The following WDR27 variants were observed in gnomAD, a reference collection of about 807,000 sequenced individuals.
WDR27 encodes the protein WD repeat-containing protein 27.
In WDR27, 100 loss-of-function variants were observed where a neutral mutation model predicts 114.4. The observed-to-expected ratio is 0.87, with a 90% confidence interval of 0.74 to 1.03. The LOEUF (loss-of-function observed/expected upper bound fraction) is 1.03, where lower values mean the gene tolerates loss of function less well. WDR27 is among the 50% of genes least tolerant of loss of function. The probability of loss-of-function intolerance (pLI) is 0.00; values close to 1 mark genes in which losing one functional copy is unlikely to be tolerated. For synonymous variants in WDR27, 449 were observed against 423.1 expected (o/e 1.06, Z -0.75); for missense variants, 1,129 against 1,092.9 (o/e 1.03, Z -0.47).
downstream of WDR27, among the ~76,000 whole-genome samples, chr6:169,456,347 C>T (rs1466466890): frequency 6.6e-6 from 1 of 152,104 alleles, no homozygotes; most frequent in Non-Finnish European, 1.5e-5. The surrounding 1 kb of genome is among the most constrained non-coding windows in gnomAD (Gnocchi z 4.0). Context: ...CACTGCGTCT[C>T]TTGTGAAAAT....
chr6:169,690,853 G>T (rs565958010), intron 1 of WDR27, among the ~76,000 whole-genome samples: 23 of 152,166 alleles, frequency 1.5e-4, no homozygotes, highest in Admixed American at 1.2e-3. Context: ...CTGTGTGCAG[G>T]GGGGAGCAGA....
In WDR27 at chr6:169,659,120, G is replaced by A. The variant is rs1280043986; in HGVS notation, c.1285C>T (p.Pro429Ser). Residue 429 changes from proline to serine, a missense_variant, in exon 12 of 26, where the codon CCC becomes TCC. By Grantham distance (74) the Pro-to-Ser change is moderately conservative. Transcript: ENST00000448612. The surrounding 1 kb of genome is among the most constrained non-coding windows in gnomAD (Gnocchi z 4.3). ...ACCGAGAGGCTCTGCCCCATGCTGGGGCACTGCTGAGCCCTGACTAGCGCG... is the reference window on the plus strand; with the variant it reads ...ACCGAGAGGCTCTGCCCCATGCTGGAGCACTGCTGAGCCCTGACTAGCGCG... ...PAALVRAQQC[P>S]SMGQSLSVPA... is the part of the protein sequence containing the mutation. 1 of 1,597,256 alleles carries A rather than the reference G, an allele frequency of 6.3e-7. No homozygotes were observed. Among genetic ancestry groups the A allele is most frequent in the Admixed American group, 1.8e-5 (1 of 56,074 alleles).
the WDR27 span, among the ~76,000 whole-genome samples, chr6:169,443,001 A>T: frequency 6.6e-6 from 1 of 152,266 alleles, no homozygotes; most frequent in Non-Finnish European, 1.5e-5. Context: ...CAATGAGAGG[A>T]GACCACATTC....
At chr6:169,495,000 G>A (rs548136808) in intron 25 of WDR27, among the ~76,000 whole-genome samples, 77 of 152,186 alleles carry the variant, frequency 5.1e-4, no homozygotes, top group African/African-American at 1.3e-3. Context: ...ACACATTACC[G>A]TAAGTCAATG....
intron 25 of WDR27, among the ~76,000 whole-genome samples, chr6:169,481,068 G>A (rs1336732681): frequency 6.7e-6 from 1 of 148,912 alleles, no homozygotes; most frequent in Non-Finnish European, 1.5e-5. Context: ...AGCTAATCTG[G>A]TAGTGACTTG....
chr6:169,683,848 G>A (rs2128320458), intron 2 of WDR27, among the ~76,000 whole-genome samples: 1 of 152,318 alleles, frequency 6.6e-6, no homozygotes, highest in East Asian at 1.9e-4. Flanking sequence ...TAGTTTGGGA[G>A]CTGCTGGAAA....
chr6:169,445,818 C>G, the WDR27 span, among the ~76,000 whole-genome samples: 2 of 152,222 alleles, frequency 1.3e-5, no homozygotes, highest in Admixed American at 6.5e-5. Flanking sequence ...TCCCAGCTCT[C>G]GAAGCTTCTC....
At chr6:169,696,373 C>A (rs1473374376) in intron 1 of WDR27, among the ~76,000 whole-genome samples, 1 of 152,174 alleles carries the variant, frequency 6.6e-6, no homozygotes, top group Admixed American at 6.5e-5. Flanking sequence ...AGCAAGAGAT[C>A]ACATACACAC....
chr6:169,516,835 A>ACACACACACC (rs1491176990), intron 25 of WDR27, among the ~76,000 whole-genome samples: 26 of 144,550 alleles, frequency 1.8e-4, no homozygotes, highest in African/African-American at 5.9e-4. Context: ...ACACACACAC[A>ACACACACACC]CCCCTCCCTT....
intron 21 of WDR27, among the ~76,000 whole-genome samples, chr6:169,618,312 A>T (rs1401666567): frequency 6.6e-6 from 1 of 152,212 alleles, no homozygotes; most frequent in East Asian, 1.9e-4. Flanking sequence ...AAAATAGTAC[A>T]TATTTTATTC....
rs149122827 is a variant in WDR27 at position 169,564,235 on chromosome 6, A to C, written c.2645+8184T>G. Among the ~76,000 whole-genome samples, 219 of 152,316 alleles carry C rather than the reference A, an allele frequency of 1.4e-3. 2 individuals are homozygous for C. Among genetic ancestry groups the C allele is most frequent in the African/African-American group, 5.0e-3 (206 of 41,570 alleles). ...AGCATCCAGCATGGGAGAAAGATGG[A>C]GGCCAGGAGACTCAGCAAGTCTAGT... On this transcript the variant is annotated intron_variant, in intron 25 of 25. Coordinates refer to ENST00000448612, the MANE Select transcript of WDR27 (RefSeq NM_182552.5).
At chr6:169,594,452 TAG>T (rs1235797729) in intron 23 of WDR27, among the ~76,000 whole-genome samples, 1 of 152,218 alleles carries the variant, frequency 6.6e-6, no homozygotes, top group Non-Finnish European at 1.5e-5. Context: ...AATTATGATA[TAG>T]AGGTTTCCTA....
chr6:169,565,090 G>A (rs531350448), intron 25 of WDR27, among the ~76,000 whole-genome samples: 1 of 152,282 alleles, frequency 6.6e-6, no homozygotes, highest in East Asian at 1.9e-4. Flanking sequence ...CTCCCGGCCT[G>A]GGAGTGCAGT....
At chr6:169,472,247 C>A (rs1467444750) in intron 25 of WDR27, among the ~76,000 whole-genome samples, 1 of 152,136 alleles carries the variant, frequency 6.6e-6, no homozygotes, top group Admixed American at 6.5e-5. Flanking sequence ...AGGCAATGCC[C>A]TGAGTCTGCT....
intron 25 of WDR27, among the ~76,000 whole-genome samples, chr6:169,530,004 A>C (rs765022223): frequency 3.9e-5 from 6 of 152,222 alleles, no homozygotes; most frequent in Non-Finnish European, 8.8e-5. Context: ...TTGGGTTTAT[A>C]AATCATTTAC....
the WDR27 span, among the ~76,000 whole-genome samples, chr6:169,436,344 G>A: frequency 6.6e-6 from 1 of 152,084 alleles, no homozygotes; most frequent in African/African-American, 2.4e-5. Flanking sequence ...GATGTTTTAA[G>A]GTCATAAAAC....
intron 25 of WDR27, among the ~76,000 whole-genome samples, chr6:169,502,900 G>A (rs557636865): frequency 6.6e-6 from 1 of 152,336 alleles, no homozygotes; most frequent in South Asian, 2.1e-4. Context: ...GATTTGCTGA[G>A]GAGGGTCTTG....
intron 25 of WDR27, among the ~76,000 whole-genome samples, chr6:169,535,318 T>C (rs1796083010): frequency 6.6e-6 from 1 of 152,158 alleles, no homozygotes; most frequent in African/African-American, 2.4e-5. Flanking sequence ...AAATAATAAA[T>C]ACAGCTTGCT....
chr6:169,502,886 G>A (rs912480961), intron 25 of WDR27, among the ~76,000 whole-genome samples: 4 of 152,188 alleles, frequency 2.6e-5, no homozygotes, highest in Admixed American at 6.5e-5. Context: ...GATTCGAGTA[G>A]ATGGATTTGC....
Sources: gnomAD v4.1 joint callset for allele counts (sites outside exome capture counted in the v4.1 genomes callset) on GRCh38, gnomAD v4.1.1 for gene constraint, Gnocchi (gnomAD v3.1) non-coding constraint, MANE v1.5 for transcripts, NCBI Gene and HGNC (gene_info 2026-07-23, HGNC 2026-07-21) for gene names.